PDE10A: variants seen among roughly 807,000 people sequenced by gnomAD.
The protein encoded by PDE10A is cAMP and cAMP-inhibited cGMP 3',5'-cyclic phosphodiesterase 10A.
Under a neutral mutation model 97.7 loss-of-function variants are expected in PDE10A, and 39 were observed. The observed-to-expected ratio is 0.40, with a 90% CI of 0.31 to 0.52. The LOEUF (loss-of-function observed/expected upper bound fraction) is 0.52, where lower values mean the gene tolerates loss of function less well. Among genes scored for constraint, PDE10A ranks in the 20% least tolerant of loss-of-function variants. PDE10A has a pLI of 0.56. For synonymous variants in PDE10A, 371 were observed against 376.8 expected, an observed-to-expected ratio of 0.98 and a Z score of 0.18; for missense variants, 731 against 1,047.8, an observed-to-expected ratio of 0.70 and a Z score of 4.17.
chr6:165,926,055 T>C (rs1216290047), intron 1 of PDE10A, among the ~76,000 whole-genome samples: 1 of 152,226 alleles, frequency 6.6e-6, no homozygotes, highest in African/African-American at 2.4e-5. Context: ...AAATAAAAGT[T>C]TAAAAAATCT....
In PDE10A at chr6:165,943,285, AAGAAAGAAGG is replaced by A. The variant is rs1178452273; in HGVS notation, c.-615+44234_-615+44243del. Among the ~76,000 whole-genome samples the A allele has an allele frequency of 9.4e-4, 108 of 114,444 alleles. 6 individuals carry two copies. The highest frequency in any genetic ancestry group is 1.2e-3 in the Non-Finnish European group (67 of 55,736). 75.1% of individuals were successfully genotyped at this position (114,444 alleles called of 152,430 possible). A position where few individuals can be genotyped will look rare whatever the true frequency, so the allele number is the denominator to read the frequency against. ...AAGGAAGGAAGGAAGGAAAGAAAGA[AAGAAAGAAGG>A]AAAGAAAGAAAGAAGGAAGGAAGGA... On this transcript the variant is annotated intron_variant, in intron 1 of 19. Coordinates refer to the PDE10A transcript ENST00000366882.
chr6:165,534,680 T>C (rs775078080), intron 2 of PDE10A, among the ~76,000 whole-genome samples: 68 of 152,008 alleles, frequency 4.5e-4, no homozygotes, highest in Admixed American at 1.3e-3. Flanking sequence ...ATCACATTAA[T>C]AGAATGAGAC....
rs1244689849 is a variant in PDE10A at position 165,543,583 on chromosome 6, A to G, written c.866-15T>C. 5 of 1,597,124 alleles carry G rather than the reference A, an allele frequency of 3.1e-6. No homozygotes were observed. In the African/African-American group the frequency reaches 5.4e-5, roughly 17 times the overall value. ...ATCTGTCAAACCTGTAAAAGAATTG[A>G]AAAGAATAAAATTCACCTATACAAC... On this transcript the variant is annotated splice_polypyrimidine_tract_variant and intron_variant, in intron 1 of 21. Transcript: ENST00000539869.
chr6:165,434,786 T>C (rs1282880539), intron 6 of PDE10A, among the ~76,000 whole-genome samples: 2 of 152,198 alleles, frequency 1.3e-5, no homozygotes, highest in Non-Finnish European at 2.9e-5. Flanking sequence ...CTCAGACGCA[T>C]AGGCAAATCC....
At chr6:165,715,412 C>T (rs959749018) in intron 1 of PDE10A, among the ~76,000 whole-genome samples, 2 of 152,210 alleles carry the variant, frequency 1.3e-5, no homozygotes, top group Non-Finnish European at 1.5e-5. Flanking sequence ...TATATAAATT[C>T]GAGCCAATGT....
intron 18 of PDE10A, among the ~76,000 whole-genome samples, chr6:165,363,050 G>T (rs1272032001): frequency 6.6e-6 from 1 of 152,124 alleles, no homozygotes; most frequent in East Asian, 1.9e-4. Flanking sequence ...CAACAAATCA[G>T]AATTAGAAGG....
intron 1 of PDE10A, among the ~76,000 whole-genome samples, chr6:165,557,643 C>T (rs1177922203): frequency 6.6e-6 from 1 of 152,042 alleles, no homozygotes; most frequent in African/African-American, 2.4e-5. Flanking sequence ...TCCTTCTTTG[C>T]TAGCAAATAT....
chr6:165,419,131 C>T (rs1300726010), intron 10 of PDE10A, among the ~76,000 whole-genome samples: 2 of 152,284 alleles, frequency 1.3e-5, no homozygotes. Flanking sequence ...CCATCCAAGG[C>T]CCTCTTCCAG....
chr6:165,634,056 C>T (rs952455382), intron 1 of PDE10A, among the ~76,000 whole-genome samples: 6 of 152,072 alleles, frequency 3.9e-5, no homozygotes, highest in Non-Finnish European at 5.9e-5. Context: ...AAGAGTGCAA[C>T]AGAATCACCT....
chr6:165,632,970 T>C (rs540274571), intron 1 of PDE10A, among the ~76,000 whole-genome samples: 2 of 151,866 alleles, frequency 1.3e-5, no homozygotes, highest in Non-Finnish European at 2.9e-5. Context: ...GATTAAAGCA[T>C]CACCATCACC....
At chr6:165,527,356 C>T (rs980852513) in intron 2 of PDE10A, among the ~76,000 whole-genome samples, 1 of 152,190 alleles carries the variant, frequency 6.6e-6, no homozygotes, top group African/African-American at 2.4e-5. Context: ...AACATGCAAG[C>T]TGCTCTGCCA....
chr6:165,879,427 T>A (rs1781420524), intron 1 of PDE10A, among the ~76,000 whole-genome samples: 1 of 152,244 alleles, frequency 6.6e-6, no homozygotes, highest in Non-Finnish European at 1.5e-5. Flanking sequence ...GTCGCCTGAC[T>A]GTCCTCTCTC....
chr6:165,600,304 C>G (rs1410919214), intron 1 of PDE10A, among the ~76,000 whole-genome samples: 1 of 152,184 alleles, frequency 6.6e-6, no homozygotes, highest in East Asian at 1.9e-4. Context: ...GAGTGGCCAG[C>G]CAGGGCAGGG....
At chr6:165,389,564 TG>T (rs1395146895) in intron 16 of PDE10A, among the ~76,000 whole-genome samples, 1 of 152,134 alleles carries the variant, frequency 6.6e-6, no homozygotes, top group Non-Finnish European at 1.5e-5. Flanking sequence ...GCAGGTGGAA[TG>T]GGTTTGAGGA....
chr6:165,747,565 T>C (rs537498167), intron 1 of PDE10A, among the ~76,000 whole-genome samples: 2 of 152,076 alleles, frequency 1.3e-5, no homozygotes, highest in South Asian at 4.2e-4. Flanking sequence ...TTGGCTGAAG[T>C]CTGTGCTGAA....
intron 1 of PDE10A, among the ~76,000 whole-genome samples, chr6:165,723,992 G>T (rs1339742410): frequency 6.6e-6 from 1 of 152,164 alleles, no homozygotes; most frequent in South Asian, 2.1e-4. Context: ...CACAATCAGG[G>T]CTACTCCAGA....
intron 1 of PDE10A, among the ~76,000 whole-genome samples, chr6:165,966,273 T>A (rs1460804091): frequency 6.6e-6 from 1 of 152,214 alleles, no homozygotes; most frequent in Non-Finnish European, 1.5e-5. Context: ...TTTTAAAGGC[T>A]GTAGACCCCT....
intron 1 of PDE10A, among the ~76,000 whole-genome samples, chr6:165,555,397 C>T (rs1027276271): frequency 1.3e-5 from 2 of 152,172 alleles, no homozygotes; most frequent in Admixed American, 6.5e-5. Context: ...GGCCCCAAAA[C>T]AGTACCTACT....
At chr6:165,524,558 G>C (rs1377678419) in intron 2 of PDE10A, among the ~76,000 whole-genome samples, 4 of 152,156 alleles carry the variant, frequency 2.6e-5, no homozygotes, top group Admixed American at 6.6e-5. Context: ...TTGGTTGGTT[G>C]CTCCTAAGTT....
Sources: allele counts gnomAD v4.1 joint callset (sites outside exome capture counted in the v4.1 genomes callset), GRCh38; gene constraint gnomAD v4.1.1; transcripts MANE v1.5; gene names NCBI Gene and HGNC (gene_info 2026-07-23, HGNC 2026-07-21).